The following ZAN variants were observed in gnomAD, a reference collection of about 807,000 sequenced individuals.
ZAN encodes zonadhesin (gene/pseudogene).
In ZAN, 260 loss-of-function variants were observed where a neutral mutation model predicts 286.2. That is an observed-to-expected ratio of 0.91 (90% CI 0.82 to 1.01). The LOEUF (loss-of-function observed/expected upper bound fraction) is 1.01. ZAN is among the 50% of genes least tolerant of loss of function. The pLI is 0.00. For synonymous variants in ZAN, 1,368 were observed against 1,417.5 expected (o/e 0.97, Z 0.79); for missense variants, 3,410 against 3,639.2 (o/e 0.94, Z 1.62).
rs568580595 is a variant in ZAN at position 100,766,464 on chromosome 7, G to A, written c.4471-61G>A. ...CTGGTGAGCTCTGGTGTCAGATCTG[G>A]GAAAAAACAAAACAAAGCAAAAAAA... On this transcript the variant is annotated intron_variant, in intron 23 of 47. Coordinates refer to ENST00000613979, the MANE Select transcript of ZAN (RefSeq NM_003386.3). The A allele has an allele frequency of 5.3e-6, 8 of 1,504,608 alleles. No individual in the cohort carries two copies. The Admixed American group carries it at 8.3e-5, about 16-fold the overall frequency. 93.2% of individuals were successfully genotyped at this position (1,504,608 alleles called of 1,614,324 possible). A position where few individuals can be genotyped will look rare whatever the true frequency, so the allele number is the denominator to read the frequency against.
chr7:100,779,932 C>A (rs1242234424), intron 35 of ZAN, among the ~76,000 whole-genome samples, 182 bp downstream of exon 35: 1 of 152,062 alleles, frequency 6.6e-6, no homozygotes, highest in Non-Finnish European at 1.5e-5. Context: ...TGGTGGCTCA[C>A]GCCTATAATC....
chr7:100,789,330 G>A lies in ZAN; in HGVS notation c.7340G>A (p.Gly2447Asp). Residue 2447 changes from glycine (G) to aspartate (D), a missense_variant, in exon 39 of 48, where the codon GGT (glycine) becomes GAT (aspartate). Physicochemically the swap from Gly to Asp is moderately conservative, Grantham distance 94 (BLOSUM62 -1). This residue lies in a region of ZAN where 1,289 missense variants were observed against 1,314.3 expected (regional missense o/e 0.98). Coordinates refer to ENST00000613979, the MANE Select transcript of ZAN (RefSeq NM_003386.3). ...VTDFELVVSFGGRKNAVISLP... is the reference protein window; with the variant it reads ...VTDFELVVSFDGRKNAVISLP... ...GACTTTGAGCTGGTCGTCAGCTTTG[G>A]TGGAAGGAAAAATGCAGGTAATGGA... 6.2e-7 allele frequency: 1 copy of A among 1,613,710 alleles called. No homozygotes were observed. Among genetic ancestry groups the A allele is most frequent in the Non-Finnish European group, 8.5e-7 (1 of 1,179,792 alleles).
chr7:100,753,102 C>T lies in ZAN; in HGVS notation c.2997C>T (p.Ala999=), dbSNP rs774119016. 1.2e-6 allele frequency: 2 copies of T among 1,614,014 alleles called. No homozygotes were observed. Among genetic ancestry groups the T allele is most frequent in the Middle Eastern group, 1.6e-4 (1 of 6,062 alleles). The change falls in exon 14 of 48, where the codon GCC becomes GCT. Residue 999 remains alanine (A), a synonymous_variant. Coordinates refer to ENST00000613979, the MANE Select transcript of ZAN (RefSeq NM_003386.3). ...CCATTCCCACAGAGAAGCTCACAGC[C>T]CTGAGGCCACCCCATCCCAGCCCCA... ...KPTIPTEKLT[A]LRPPHPSPTA...
At chr7:100,742,963 G>A (rs1463737359) in intron 7 of ZAN, among the ~76,000 whole-genome samples, 2 of 124,746 alleles carry the variant, frequency 1.6e-5, no homozygotes, top group African/African-American at 5.7e-5. Context: ...GAACAGGCAA[G>A]GGTCGATGCA....
At chr7:100,757,919 T>TAAAAAA (rs76692637) in intron 15 of ZAN, among the ~76,000 whole-genome samples, 35 of 104,968 alleles carry the variant, frequency 3.3e-4, no homozygotes, top group African/African-American at 1.2e-3. Flanking sequence ...TCCAAAACGT[T>TAAAAAA]AAAAAAAAAA....
chr7:100,791,808 G>A (rs1272664316), intron 40 of ZAN, among the ~76,000 whole-genome samples, 158 bp from the exon 41 acceptor site: 2 of 151,946 alleles, frequency 1.3e-5, no homozygotes, highest in East Asian at 3.9e-4. Flanking sequence ...GCTCACTGCA[G>A]TTTCCACCTC....
In ZAN at chr7:100,779,503, G is replaced by T; in HGVS notation, c.6375G>T (p.Pro2125=). The change falls in exon 35 of 48, where the codon CCG becomes CCT. Residue 2125 remains proline (P), a synonymous_variant. Transcript: ENST00000613979. The stretch of plus-strand genomic sequence containing the variant: ...TTCCAGCGGAACAGCAGGAGAACCC[G>T]AGTGGAAACTGCAGGGCGGCCGACC... ...QQIPAEQQEN[P]SGNCRAADLR... 1.2e-6 allele frequency: 2 copies of T among 1,612,440 alleles called. No individual in the cohort carries two copies. The highest frequency in any genetic ancestry group is 1.7e-5 in the Admixed American group (1 of 59,868).
intron 6 of ZAN, 56 bp from the exon 7 acceptor site, chr7:100,738,405 C>T (rs1360635951): frequency 7.2e-7 from 1 of 1,388,656 alleles, no homozygotes; most frequent in African/African-American, 1.5e-5. Flanking sequence ...GTGACAGAGA[C>T]CCTGTCTCTA....
intron 34 of ZAN, among the ~76,000 whole-genome samples, chr7:100,779,087 C>T (rs1435493531): frequency 4.6e-5 from 7 of 151,670 alleles, no homozygotes; most frequent in East Asian, 3.9e-4. Context: ...GCTGTAATCC[C>T]GGCTACTCGG....
chr7:100,777,480 G>A (rs1322827896), intron 34 of ZAN, among the ~76,000 whole-genome samples: 1 of 151,800 alleles, frequency 6.6e-6, no homozygotes, highest in African/African-American at 2.4e-5. Flanking sequence ...TCAACCTCCC[G>A]AGTAGCTGGG....
At chr7:100,749,505 T>C (rs1808471763) in intron 11 of ZAN, among the ~76,000 whole-genome samples, 1 of 150,528 alleles carries the variant, frequency 6.6e-6, no homozygotes, top group African/African-American at 2.4e-5. Context: ...CCAGGCATGG[T>C]GGTGGGCGCC....
At chr7:100,760,620 C>T (rs1584583387) in intron 19 of ZAN, 84 bp downstream of exon 19, 1 of 1,541,444 alleles carries the variant, frequency 6.5e-7, no homozygotes, top group Non-Finnish European at 8.8e-7. Context: ...CCCACCCTGC[C>T]CACTCCCCTT....
chr7:100,795,046 G>C lies in ZAN; in HGVS notation c.8126-150G>C, dbSNP rs529991541. On this transcript the variant is annotated intron_variant, in intron 44 of 47. Transcript: ENST00000613979. ...TTTCCCCAAAGCCCAGGGCTAGTGAGGCAGGGTTGGGAGCCAGGCTGGCTG... is the reference window on the plus strand; with the variant it reads ...TTTCCCCAAAGCCCAGGGCTAGTGACGCAGGGTTGGGAGCCAGGCTGGCTG... The C allele has an allele frequency of 1.9e-5, 17 of 918,060 alleles. No homozygotes were observed. In the East Asian group the frequency reaches 5.3e-4, roughly 29 times the overall value. The allele number at this position is 918,060 out of a possible 1,614,324, so 56.9% of individuals were successfully genotyped here. A position where few individuals can be genotyped will look rare whatever the true frequency, so the allele number is the denominator to read the frequency against.
Position 100,788,022 on chromosome 7 carries a change from C to T in ZAN, c.7113C>T (p.Leu2371=), listed in dbSNP as rs538996415. ...VDVLPEGVEP[L]LVEGRNKMDP... Reference sequence around the variant, plus strand: ...TACTGCCTGAGGGGGTGGAGCCCCTCCTCGTGGAAGGACGCAACAAGATGG... The same window carrying T: ...TACTGCCTGAGGGGGTGGAGCCCCTTCTCGTGGAAGGACGCAACAAGATGG... Residue 2371 remains leucine (L), a synonymous_variant, in exon 38 of 48, where the codon CTC becomes CTT. Transcript: ENST00000613979. The T allele has an allele frequency of 6.4e-7, 1 of 1,570,232 alleles. No homozygotes were observed. Among genetic ancestry groups the T allele is most frequent in the Admixed American group, 1.7e-5 (1 of 57,752 alleles).
intron 22 of ZAN, among the ~76,000 whole-genome samples, chr7:100,764,879 T>TA (rs888713716): frequency 3.6e-4 from 52 of 144,630 alleles, no homozygotes; most frequent in South Asian, 4.4e-4. Flanking sequence ...ACTCTGTCTT[T>TA]AAAAAAAAAA....
intron 44 of ZAN, 36 bp from the exon 45 acceptor site, chr7:100,795,160 A>G (rs377126217): frequency 6.9e-5 from 110 of 1,589,264 alleles, no homozygotes; most frequent in Non-Finnish European, 9.4e-6. Flanking sequence ...GTGTCCTCCC[A>G]GGGCCCCCCT....
chr7:100,796,783 TG>T (rs1204871406), intron 45 of ZAN, among the ~76,000 whole-genome samples: 1 of 152,138 alleles, frequency 6.6e-6, no homozygotes, highest in African/African-American at 2.4e-5. Context: ...CTTTGAGAAA[TG>T]CTGGCTGAGA....
rs776205874 is a variant in ZAN, at chr7:100,763,903, C to T, written c.4084C>T (p.His1362Tyr). Residue 1362 changes from histidine to tyrosine, a missense_variant, in exon 21 of 48, where the codon CAT becomes TAT. This residue lies in a region of ZAN where 1,042 missense variants were observed against 1,058.0 expected (regional missense o/e 0.98). Transcript: ENST00000613979. The surrounding 1 kb of genome is among the most constrained non-coding windows in gnomAD (Gnocchi z 4.6). ...GTTCTGTGGACGGCTGGTCGACACT[C>T]ATGGCCCATTTGAGTATGAAGGAGG... is the stretch of plus-strand genomic sequence containing the variant. ...PGFCGRLVDTHGPFETCLLHV... is the reference protein window; with the variant it reads ...PGFCGRLVDTYGPFETCLLHV... The T allele has an allele frequency of 1.2e-6, 2 of 1,614,002 alleles. No individual in the cohort carries two copies. Among genetic ancestry groups the T allele is most frequent in the South Asian group, 2.2e-5 (2 of 91,084 alleles).
chr7:100,737,654 C>T (rs909576373), intron 6 of ZAN, among the ~76,000 whole-genome samples: 7 of 137,198 alleles, frequency 5.1e-5, no homozygotes, highest in African/African-American at 5.3e-5. Context: ...TGCAGTGAGC[C>T]GAGATCGTGC....
Sources: allele counts gnomAD v4.1 joint callset (sites outside exome capture counted in the v4.1 genomes callset), GRCh38; gene constraint gnomAD v4.1.1; regional missense constraint gnomAD v4.1.1; non-coding constraint Gnocchi (gnomAD v3.1); transcripts MANE v1.5; gene names NCBI Gene and HGNC (gene_info 2026-07-23, HGNC 2026-07-21).